Variants in TRIM56 observed in about 807,000 individuals in gnomAD.
TRIM56 encodes tripartite motif containing 56, also known as E3 ubiquitin-protein ligase TRIM56.
A neutral mutation model predicts 17.1 loss-of-function variants in TRIM56; 10 were observed. The ratio of observed to expected loss-of-function variants is 0.58; its 90% confidence interval spans 0.36 to 0.99. The LOEUF (loss-of-function observed/expected upper bound fraction) is 0.99. Among genes scored for constraint, TRIM56 ranks in the 50% least tolerant of loss-of-function variants. TRIM56 has a pLI of 0.01. For synonymous variants in TRIM56, 503 were observed against 473.5 expected (o/e 1.06, Z -0.81); for missense variants, 923 against 1,052.3 (o/e 0.88, Z 1.70).
In TRIM56 at chr7:101,088,797, C is replaced by T; in HGVS notation, c.1485C>T (p.Cys495=). 6.2e-7 allele frequency: 1 copy of T among 1,613,856 alleles called. No homozygotes were observed. The highest frequency in any genetic ancestry group is 8.5e-7 in the Non-Finnish European group (1 of 1,180,042). ...SGLLPRPIFY[C]SFPTRMPGDK... ...TCCTCCCCAGACCCATCTTTTACTG[C>T]AGTTTCCCCACGCGGATGCCTGGAG... Residue 495 remains cysteine, a synonymous_variant, in exon 3 of 3, where the codon TGC becomes TGT. Coordinates refer to ENST00000306085, the MANE Select transcript of TRIM56 (RefSeq NM_030961.3).
Position 101,088,190 on chromosome 7 carries a change from C to T in TRIM56, c.878C>T (p.Ala293Val), listed in dbSNP as rs199890101. Residue 293 changes from alanine to valine, a missense_variant, in exon 3 of 3, where the codon GCG (alanine) becomes GTG (valine). Around this residue, in one of 3 missense-constraint regions of TRIM56, gnomAD observed 643 missense variants for 665.6 expected, o/e 0.97. Transcript: ENST00000306085. ...AAEEAARERL[A>V]ELEGREQVAR... is the part of the protein sequence containing the mutation. Reference sequence around the variant, plus strand: ...GAAGAAGCTGCTCGGGAGAGGCTGGCGGAGCTTGAGGGCCGGGAGCAGGTG... The same window carrying T: ...GAAGAAGCTGCTCGGGAGAGGCTGGTGGAGCTTGAGGGCCGGGAGCAGGTG... 1.3e-5 allele frequency: 19 copies of T among 1,479,660 alleles called. No individual in the cohort carries two copies. Among genetic ancestry groups the T allele is most frequent in the East Asian group, 7.4e-5 (3 of 40,276 alleles). 91.7% of individuals were successfully genotyped at this position (1,479,660 alleles called of 1,614,324 possible).
rs55729518 is a variant in TRIM56, at chr7:101,090,606, GAAAAAAAAAAAAAA to G, written c.*1036_*1049del. ...ACCACTGCATTCCAGACCCCATCTC[GAAAAAAAAAAAAAA>G]AAAAAAAAACAGAAACAACAGAAAA... On this transcript the variant is annotated 3_prime_UTR_variant, in exon 3 of 3. Coordinates refer to ENST00000306085, the MANE Select transcript of TRIM56 (RefSeq NM_030961.3). 2.2e-5 allele frequency: 1 copy of G among 45,418 alleles called. No individual in the cohort carries two copies. Among genetic ancestry groups the G allele is most frequent in the Admixed American group, 3.4e-4 (1 of 2,916 alleles). 2.8% of individuals were successfully genotyped at this position (45,418 alleles called of 1,614,324 possible). A position where few individuals can be genotyped will look rare whatever the true frequency, so the allele number is the denominator to read the frequency against.
chr7:101,088,123 C>G lies in TRIM56; in HGVS notation c.811C>G (p.Gln271Glu), dbSNP rs1006343088. ...CCTCCGGGCCCTGCTGGCCCAGAAGCAGGAGGTGCTGGGGCAGCTACGAGC... is the reference window on the plus strand; with the variant it reads ...CCTCCGGGCCCTGCTGGCCCAGAAGGAGGAGGTGCTGGGGCAGCTACGAGC... ...GVLRALLAQKQEVLGQLRAHV... is the reference protein window; with the variant it reads ...GVLRALLAQKEEVLGQLRAHV... Residue 271 changes from glutamine to glutamate, a missense_variant, in exon 3 of 3, where the codon CAG becomes GAG. This residue lies in a region of TRIM56 where 643 missense variants were observed against 665.6 expected (regional missense o/e 0.97). Coordinates refer to ENST00000306085, the MANE Select transcript of TRIM56 (RefSeq NM_030961.3). 3 of 1,502,004 alleles carry G rather than the reference C, an allele frequency of 2.0e-6. No homozygotes were observed. In the Admixed American group the frequency reaches 6.3e-5, roughly 32 times the overall value. 93.0% of individuals were successfully genotyped at this position (1,502,004 alleles called of 1,614,324 possible). A position where few individuals can be genotyped will look rare whatever the true frequency, so the allele number is the denominator to read the frequency against.
chr7:101,086,289 G>A (rs1256270118), intron 1 of TRIM56, among the ~76,000 whole-genome samples: 3 of 152,166 alleles, frequency 2.0e-5, no homozygotes, highest in Non-Finnish European at 2.9e-5. Flanking sequence ...CCCTGGGCAT[G>A]GTGGCTCACG....
In TRIM56 at chr7:101,087,741, C is replaced by G. The variant is rs776799116; in HGVS notation, c.429C>G (p.Thr143=). 6.2e-7 allele frequency: 1 copy of G among 1,602,674 alleles called. No homozygotes were observed. Among genetic ancestry groups the G allele is most frequent in the South Asian group, 1.1e-5 (1 of 90,126 alleles). Residue 143 remains threonine, a synonymous_variant, in exon 3 of 3, where the codon ACC becomes ACG. Coordinates refer to ENST00000306085, the MANE Select transcript of TRIM56 (RefSeq NM_030961.3). ...DGHRCTRQTH[T]HRVVDLVGYR... ...ACCGCTGCACCCGCCAGACCCACACCCACCGCGTGGTGGACCTGGTGGGCT... is the reference window on the plus strand; with the variant it reads ...ACCGCTGCACCCGCCAGACCCACACGCACCGCGTGGTGGACCTGGTGGGCT...
rs751814917 is a variant in TRIM56, at chr7:101,089,080, G to A, written c.1768G>A (p.Ala590Thr). The change falls in exon 3 of 3, where the codon GCC becomes ACC. Residue 590 changes from alanine to threonine, a missense_variant. Around this residue, in one of 3 missense-constraint regions of TRIM56, gnomAD observed 182 missense variants for 243.1 expected, o/e 0.75. Transcript: ENST00000306085. ...GCGCAGGGCCCTGAGCCTCTCCCAG[G>A]CCAGCCACGCGGTGGCGGCACTGCC... ...QWRRALSLSQ[A>T]SHAVAALPSG... 1.3e-6 allele frequency: 2 copies of A among 1,598,226 alleles called. No homozygotes were observed. Among genetic ancestry groups the A allele is most frequent in the South Asian group, 2.2e-5 (2 of 90,854 alleles).
Position 101,089,180 on chromosome 7 carries a change from G to A in TRIM56, c.1868G>A (p.Arg623Gln), listed in dbSNP as rs1024062078. Reference sequence around the variant, plus strand: ...AATATGGAAGGCAGCCTGGCCACCCGGTTCATTCCTGGAGGCAAGGCCAGC... The same window carrying A: ...AATATGGAAGGCAGCCTGGCCACCCAGTTCATTCCTGGAGGCAAGGCCAGC... ...VYNMEGSLAT[R>Q]FIPGGKASRG... The change falls in exon 3 of 3, where the codon CGG becomes CAG. Residue 623 changes from arginine to glutamine, a missense_variant. Arg to Gln is a conservative substitution (Grantham distance 43, BLOSUM62 1). This residue lies in a region of TRIM56 where 182 missense variants were observed against 243.1 expected (regional missense o/e 0.75). Coordinates refer to ENST00000306085, the MANE Select transcript of TRIM56 (RefSeq NM_030961.3). 8 of 1,612,900 alleles carry A rather than the reference G, an allele frequency of 5.0e-6. No homozygotes were observed. In the African/African-American group the frequency reaches 5.3e-5, roughly 11 times the overall value.
At position 101,089,629 on chromosome 7, in the gene TRIM56, G is replaced by A. The variant is rs934108496; in HGVS notation, c.*49G>A. On this transcript the variant is annotated 3_prime_UTR_variant, in exon 3 of 3. Transcript: ENST00000306085. ...GGAGTGGGGAGGGAGAGGGCAGGAA[G>A]GAGGCAGAGCTGTCCGTGGGAGGTG... The A allele has an allele frequency of 3.2e-6, 5 of 1,544,186 alleles. No individual in the cohort carries two copies. The East Asian group carries it at 6.9e-5, about 21-fold the overall frequency.
chr7:101,087,491 G>T lies in TRIM56; in HGVS notation c.179G>T (p.Arg60Leu). 2 of 1,613,514 alleles carry T rather than the reference G, an allele frequency of 1.2e-6. No homozygotes were observed. The highest frequency in any genetic ancestry group is 1.7e-6 in the Non-Finnish European group (2 of 1,179,852). The stretch of plus-strand genomic sequence containing the variant: ...GGCCGCGTCCGCTGCCCCGAGTGCC[G>T]CGAGACAGTGCCTGTGCCGCCCGAG... Reference protein sequence around the residue: ...DGGRVRCPECRETVPVPPEGV... With the variant: ...DGGRVRCPECLETVPVPPEGV... Residue 60 changes from arginine (R) to leucine (L), a missense_variant, in exon 3 of 3, where the codon CGC becomes CTC. Coordinates refer to ENST00000306085, the MANE Select transcript of TRIM56 (RefSeq NM_030961.3).
chr7:101,087,240 G>A (rs753418859), intron 2 of TRIM56, 72 bp downstream of exon 2: 72 of 1,404,202 alleles, frequency 5.1e-5, no homozygotes, highest in Non-Finnish European at 6.4e-5. Flanking sequence ...GCTTGAGGAC[G>A]GGCGGTAGAA....
rs1795460506 is a variant in TRIM56 at position 101,087,098 on chromosome 7, G to A, written c.-72G>A. The A allele has an allele frequency of 1.7e-6, 1 of 579,442 alleles. No homozygotes were observed. The highest frequency in any genetic ancestry group is 3.1e-6 in the Non-Finnish European group (1 of 327,108). 35.9% of individuals were successfully genotyped at this position (579,442 alleles called of 1,614,324 possible). A position where few individuals can be genotyped will look rare whatever the true frequency, so the allele number is the denominator to read the frequency against. On this transcript the variant is annotated 5_prime_UTR_variant, in exon 2 of 3. Transcript: ENST00000306085. ...GGAGGAGGAGGAGGAGAAGGAGGAGGGCAGCTCCTTAGCTCAAGAGCAAGT... is the reference window on the plus strand; with the variant it reads ...GGAGGAGGAGGAGGAGAAGGAGGAGAGCAGCTCCTTAGCTCAAGAGCAAGT...
In TRIM56 at chr7:101,097,148, A is replaced by G. The variant is rs1795664017; in HGVS notation, c.*7568A>G. ...GGGCGAAAGTCCAAGGCAGAAGTCA[A>G]AAGTTTTGCAAGGAAACCGATGAGG... On this transcript the variant is annotated 3_prime_UTR_variant, in exon 3 of 3. Coordinates refer to ENST00000306085, the MANE Select transcript of TRIM56 (RefSeq NM_030961.3). The G allele has an allele frequency of 6.6e-6, 1 of 152,236 alleles. No individual in the cohort carries two copies. The highest frequency in any genetic ancestry group is 1.5e-5 in the Non-Finnish European group (1 of 68,048). 9.4% of individuals were successfully genotyped at this position (152,236 alleles called of 1,614,324 possible).
rs1322174998 is a variant in TRIM56 at position 101,087,857 on chromosome 7, A to G, written c.545A>G (p.Gln182Arg). Residue 182 changes from glutamine (Q) to arginine (R), a missense_variant, in exon 3 of 3, where the codon CAG becomes CGG. Physicochemically the swap from Gln to Arg is conservative, Grantham distance 43. Around this residue, in one of 3 missense-constraint regions of TRIM56, gnomAD observed 643 missense variants for 665.6 expected, o/e 0.97. Coordinates refer to ENST00000306085, the MANE Select transcript of TRIM56 (RefSeq NM_030961.3). ...GGGGAGGCACTGCGCTTCCTGTGCC[A>G]GCCCTGCTCACAGTTGCTGTGCAGA... ...HPGEALRFLC[Q>R]PCSQLLCREC... is the part of the protein sequence containing the mutation. The G allele has an allele frequency of 6.2e-7, 1 of 1,605,332 alleles. No individual in the cohort carries two copies. The highest frequency in any genetic ancestry group is 8.5e-7 in the Non-Finnish European group (1 of 1,177,226).
Position 101,087,902 on chromosome 7 carries a change from A to G in TRIM56, c.590A>G (p.His197Arg). ...LLCRECRLDP[H>R]LDHPCLPLAE... ...TGCAGAGAGTGCCGCCTAGACCCCC[A>G]CCTGGACCACCCCTGCCTGCCTCTG... The change falls in exon 3 of 3, where the codon CAC becomes CGC. Residue 197 changes from histidine (H) to arginine (R), a missense_variant. Coordinates refer to ENST00000306085, the MANE Select transcript of TRIM56 (RefSeq NM_030961.3). 6.2e-7 allele frequency: 1 copy of G among 1,601,580 alleles called. No homozygotes were observed. The highest frequency in any genetic ancestry group is 8.5e-7 in the Non-Finnish European group (1 of 1,177,492).
chr7:101,087,015 G>A lies in TRIM56; in HGVS notation c.-155G>A, dbSNP rs1795458882. On this transcript the variant is annotated 5_prime_UTR_variant, in exon 2 of 3. Coordinates refer to ENST00000306085, the MANE Select transcript of TRIM56 (RefSeq NM_030961.3). ...CTCCTGGTCTTGTCAGTTCTCACAG[G>A]TCTGACCCAACAAGTAGCACTGACA... The A allele has an allele frequency of 4.8e-6, 2 of 418,958 alleles. No homozygotes were observed. The highest frequency in any genetic ancestry group is 8.7e-6 in the Non-Finnish European group (2 of 229,744). 26.0% of individuals were successfully genotyped at this position (418,958 alleles called of 1,614,324 possible).
chr7:101,087,429 C>T lies in TRIM56; in HGVS notation c.117C>T (p.Thr39=). 6.2e-7 allele frequency: 1 copy of T among 1,613,280 alleles called. No homozygotes were observed. Among genetic ancestry groups the T allele is most frequent in the South Asian group, 1.1e-5 (1 of 91,084 alleles). ...CCAAGACACTGCCCTGCCTGCATAC[C>T]TACTGCCAAGACTGCCTGGCACAGC... is the stretch of plus-strand genomic sequence containing the variant. ...RAPKTLPCLH[T]YCQDCLAQLA... Residue 39 remains threonine (T), a synonymous_variant, in exon 3 of 3, where the codon ACC becomes ACT. Transcript: ENST00000306085.
rs1181275878 is a variant in TRIM56, at chr7:101,093,164, C to T, written c.*3584C>T. ...ATGCTCCTTAAGAGTCATCACCACT[C>T]CCTAATCTCAAGTACCCAGGGACAC... On this transcript the variant is annotated 3_prime_UTR_variant, in exon 3 of 3. Transcript: ENST00000306085. The T allele has an allele frequency of 6.0e-6, 1 of 165,560 alleles. No individual in the cohort carries two copies. The highest frequency in any genetic ancestry group is 1.3e-5 in the Non-Finnish European group (1 of 77,840). 10.3% of individuals were successfully genotyped at this position (165,560 alleles called of 1,614,324 possible). A position where few individuals can be genotyped will look rare whatever the true frequency, so the allele number is the denominator to read the frequency against.
rs982609764 is a variant in TRIM56 at position 101,097,453 on chromosome 7, G to T, written c.*7873G>T. On this transcript the variant is annotated 3_prime_UTR_variant, in exon 3 of 3. Transcript: ENST00000306085. ...AACTTGACCAAAGGTAGCAAAATTA[G>T]ACTACCCAACTGGATTGTGAATGCA... The T allele has an allele frequency of 6.6e-6, 1 of 152,206 alleles. No homozygotes were observed. The highest frequency in any genetic ancestry group is 2.4e-5 in the African/African-American group (1 of 41,448). 9.4% of individuals were successfully genotyped at this position (152,206 alleles called of 1,614,324 possible).
At position 101,094,468 on chromosome 7, in the gene TRIM56, C is replaced by T. The variant is rs1354347049; in HGVS notation, c.*4888C>T. ...CATAACATACATGCTTGATTATTTG[C>T]TTCAAGGAAATACACCTTTATAAGT... On this transcript the variant is annotated 3_prime_UTR_variant, in exon 3 of 3. Coordinates refer to ENST00000306085, the MANE Select transcript of TRIM56 (RefSeq NM_030961.3). 5 of 152,110 alleles carry T rather than the reference C, an allele frequency of 3.3e-5. No individual in the cohort carries two copies. Among genetic ancestry groups the T allele is most frequent in the Non-Finnish European group, 5.9e-5 (4 of 68,040 alleles). 9.4% of individuals were successfully genotyped at this position (152,110 alleles called of 1,614,324 possible).
Sources: gnomAD v4.1 joint callset for allele counts (sites outside exome capture counted in the v4.1 genomes callset) on GRCh38, gnomAD v4.1.1 for gene constraint, gnomAD v4.1.1 regional missense constraint, MANE v1.5 for transcripts, NCBI Gene and HGNC (gene_info 2026-07-23, HGNC 2026-07-21) for gene names.